The following C12orf42 variants were observed in gnomAD, a reference collection of about 807,000 sequenced individuals.
C12orf42 encodes chromosome 12 open reading frame 42, also known as uncharacterized protein C12orf42.
In C12orf42, 25 loss-of-function variants were observed where a neutral mutation model predicts 21.6. The ratio of observed to expected loss-of-function variants is 1.16; its 90% CI spans 0.84 to 1.62. The LOEUF is 1.62. Among genes scored for constraint, C12orf42 ranks in the 40% most tolerant of loss-of-function variants. The pLI, the probability that C12orf42 is intolerant of heterozygous loss-of-function variation, is 0.00. For synonymous variants in C12orf42, 174 were observed against 175.0 expected (o/e 0.99, Z 0.05); for missense variants, 483 against 459.3 (o/e 1.05, Z -0.47).
Position 103,286,496 on chromosome 12 carries a change from G to A in C12orf42, n.338-9286C>T, listed in dbSNP as rs543615153. 1.3e-4 allele frequency among the ~76,000 whole-genome samples: 20 copies of A among 151,220 alleles called. No homozygotes were observed. The East Asian group carries it at 3.3e-3, about 25-fold the overall frequency. On this transcript the variant is annotated intron_variant and non_coding_transcript_variant, in intron 4 of 6. Transcript: ENST00000546526. ...TATATAAAATAATATCATAGTAACC[G>A]ACTCAGACTTAATGTGAGGTATGTA...
At chr12:103,348,889 T>C (rs1593545926) in intron 4 of C12orf42, among the ~76,000 whole-genome samples, 1 of 152,242 alleles carries the variant, frequency 6.6e-6, no homozygotes, top group East Asian at 1.9e-4. Context: ...ATGAATAAAT[T>C]GAATAATCAA....
intron 4 of C12orf42, among the ~76,000 whole-genome samples, chr12:103,332,922 G>A (rs1025520032): frequency 6.6e-6 from 1 of 152,162 alleles, no homozygotes; most frequent in Non-Finnish European, 1.5e-5. Flanking sequence ...AGAATCAAAC[G>A]AACATTTAGG....
At chr12:103,357,137 G>A (rs1445260705) in intron 4 of C12orf42, among the ~76,000 whole-genome samples, 6 of 136,242 alleles carry the variant, frequency 4.4e-5, no homozygotes, top group Non-Finnish European at 7.8e-5. Context: ...TCACACTCTG[G>A]GGACTGTTGT....
At chr12:103,397,548 G>T (rs1593806899) in intron 3 of C12orf42, 1 of 152,312 alleles carries the variant, frequency 6.6e-6, no homozygotes, top group Admixed American at 6.5e-5. Context: ...CTTCTAAGGT[G>T]GAAGAGTTTC....
intron 4 of C12orf42, among the ~76,000 whole-genome samples, chr12:103,289,835 G>A (rs1023802670): frequency 6.6e-6 from 1 of 152,092 alleles, no homozygotes; most frequent in African/African-American, 2.4e-5. Flanking sequence ...TGTAAATAGT[G>A]GTTGTCATTG....
chr12:103,243,453 T>C (rs2033852530), intron 10 of C12orf42, among the ~76,000 whole-genome samples: 1 of 152,124 alleles, frequency 6.6e-6, no homozygotes, highest in Admixed American at 6.6e-5. Context: ...ACATTATCTG[T>C]ATCCTTATTG....
downstream of C12orf42, among the ~76,000 whole-genome samples, chr12:103,298,474 G>T (rs1481296151): frequency 6.6e-6 from 1 of 152,130 alleles, no homozygotes; most frequent in South Asian, 2.1e-4. Flanking sequence ...ACAAATGGAA[G>T]AACATTCCAT....
At chr12:103,521,845 G>A in the C12orf42 span, among the ~76,000 whole-genome samples, 1 of 152,094 alleles carries the variant, frequency 6.6e-6, no homozygotes, top group Non-Finnish European at 1.5e-5. Flanking sequence ...TTGCAGTTTG[G>A]TGCTGCCTGA....
chr12:103,277,412 G>GCTT (rs1186427208), intron 4 of C12orf42, among the ~76,000 whole-genome samples: 2 of 152,060 alleles, frequency 1.3e-5, no homozygotes, highest in African/African-American at 2.4e-5. Context: ...TATCGTATCT[G>GCTT]CTTCTGCATT....
At chr12:103,110,819 C>A in the C12orf42 span, among the ~76,000 whole-genome samples, 1 of 152,120 alleles carries the variant, frequency 6.6e-6, no homozygotes, top group South Asian at 2.1e-4. Context: ...ACAGATTTGG[C>A]AAGGGTTTTA....
chr12:103,210,639 CTTTTTTTT>C, the C12orf42 span, among the ~76,000 whole-genome samples: 34 of 77,674 alleles, frequency 4.4e-4, no homozygotes, highest in African/African-American at 1.4e-3. Context: ...CCCTCTATTT[CTTTTTTTT>C]TTTTTTTTTT....
chr12:103,076,964 C>A, the C12orf42 span, among the ~76,000 whole-genome samples: 1 of 152,106 alleles, frequency 6.6e-6, no homozygotes, highest in African/African-American at 2.4e-5. Flanking sequence ...GAAGCCTATG[C>A]TATATTGATG....
At chr12:103,376,887 C>A (rs2045747886) in intron 3 of C12orf42, among the ~76,000 whole-genome samples, 1 of 151,586 alleles carries the variant, frequency 6.6e-6, no homozygotes, top group African/African-American at 2.4e-5. Flanking sequence ...TTCTCATTCT[C>A]TCTCTCTCTC....
chr12:103,195,233 T>C, the C12orf42 span, among the ~76,000 whole-genome samples: 1 of 152,216 alleles, frequency 6.6e-6, no homozygotes, highest in Non-Finnish European at 1.5e-5. Context: ...TCTTGCTTTG[T>C]GAATAGTGCT....
At chr12:103,368,776 T>C (rs2044873394) in intron 4 of C12orf42, 111 bp downstream of exon 4, 1 of 586,934 alleles carries the variant, frequency 1.7e-6, no homozygotes, top group East Asian at 3.0e-5. Flanking sequence ...TGTTGCCATT[T>C]TGAAACATAG....
At chr12:103,225,938 T>C in the C12orf42 span, among the ~76,000 whole-genome samples, 1 of 152,192 alleles carries the variant, frequency 6.6e-6, no homozygotes, top group African/African-American at 2.4e-5. Flanking sequence ...GGGCAGTGTC[T>C]GTCTTCAGCC....
the C12orf42 span, among the ~76,000 whole-genome samples, chr12:103,099,837 A>T: frequency 6.6e-6 from 1 of 152,054 alleles, no homozygotes; most frequent in African/African-American, 2.4e-5. Flanking sequence ...GACAACTTTC[A>T]TTTCTATGGA....
At chr12:103,311,343 C>T (rs1174369475) in intron 4 of C12orf42, among the ~76,000 whole-genome samples, 1 of 151,616 alleles carries the variant, frequency 6.6e-6, no homozygotes, top group Non-Finnish European at 1.5e-5. Flanking sequence ...CTAGATACTA[C>T]CCCAGTGATT....
chr12:103,383,512 T>C (rs1004388842), intron 3 of C12orf42, among the ~76,000 whole-genome samples: 1 of 152,224 alleles, frequency 6.6e-6, no homozygotes, highest in African/African-American at 2.4e-5. Flanking sequence ...TCATAAAGAA[T>C]GGTGCAATGA....
Sources: allele counts gnomAD v4.1 joint callset (sites outside exome capture counted in the v4.1 genomes callset), GRCh38; gene constraint gnomAD v4.1.1; transcripts MANE v1.5; gene names NCBI Gene and HGNC (gene_info 2026-07-23, HGNC 2026-07-21).